The following LOXL2 variants were observed in gnomAD, a reference collection of about 807,000 sequenced individuals.
The protein encoded by LOXL2 is lysyl oxidase like 2, also known as lysyl oxidase homolog 2.
A neutral mutation model predicts 93.0 loss-of-function variants in LOXL2; 70 were observed. The ratio of observed to expected loss-of-function variants is 0.75; its 90% CI spans 0.62 to 0.92. The LOEUF is 0.92. LOXL2 is among the 40% of genes least tolerant of loss of function. LOXL2 has a pLI of 0.00. For missense variants in LOXL2, 973 were observed against 1,054.9 expected, an observed-to-expected ratio of 0.92 and a Z score of 1.08; for synonymous variants, 438 against 413.2, an observed-to-expected ratio of 1.06 and a Z score of -0.73.
Position 23,309,676 on chromosome 8 carries a change from G to A in LOXL2, c.1872C>T (p.Asp624=), listed in dbSNP as rs758506823. 1 of 1,469,780 alleles carries A rather than the reference G, an allele frequency of 6.8e-7. No individual in the cohort carries two copies. The highest frequency in any genetic ancestry group is 9.1e-7 in the Non-Finnish European group (1 of 1,102,476). The allele number at this position is 1,469,780 out of a possible 1,614,324, so 91.0% of individuals were successfully genotyped here. The part of the protein sequence containing the change: ...KNGRHAWIWH[D]CHRHYHSMEV... The stretch of plus-strand genomic sequence containing the variant: ...TGGCCAGCCAGGCCTACCTGTGACA[G>A]TCGTGCCAGATCCACGCGTGGCGGC... Residue 624 remains aspartate (D), a synonymous_variant, in exon 10 of 14, where the codon GAC becomes GAT. Coordinates refer to ENST00000389131, the MANE Select transcript of LOXL2 (RefSeq NM_002318.3).
intron 1 of LOXL2, among the ~76,000 whole-genome samples, chr8:23,401,296 A>C (rs1800149024): frequency 1.3e-5 from 2 of 152,238 alleles, no homozygotes; most frequent in African/African-American, 2.4e-5. Flanking sequence ...TACACAAATC[A>C]ACAGAACTCA....
In LOXL2 at chr8:23,354,949, ATTTTTTT is replaced by A. The variant is rs60819350; in HGVS notation, c.531+5134_531+5140del. 2.9e-3 allele frequency among the ~76,000 whole-genome samples: 227 copies of A among 77,676 alleles called. 5 individuals carry two copies. Among genetic ancestry groups the A allele is most frequent in the Admixed American group, 0.017 (103 of 6,168 alleles). 51.0% of individuals were successfully genotyped at this position (77,676 alleles called of 152,430 possible). A position where few individuals can be genotyped will look rare whatever the true frequency, so the allele number is the denominator to read the frequency against. ...GGAGTTGGAATATATATATATATAT[ATTTTTTT>A]TTTTTTTTTTTTTTTTTTTTTGAGA... On this transcript the variant is annotated intron_variant, in intron 3 of 13. Coordinates refer to ENST00000389131, the MANE Select transcript of LOXL2 (RefSeq NM_002318.3).
At chr8:23,321,960 G>T in intron 7 of LOXL2, 170 bp downstream of exon 7, 1 of 715,992 alleles carries the variant, frequency 1.4e-6, no homozygotes. Flanking sequence ...GCCGGGCCAG[G>T]GCCAGGCCCG....
intron 1 of LOXL2, among the ~76,000 whole-genome samples, chr8:23,389,556 C>T (rs1804810873): frequency 6.6e-6 from 1 of 152,134 alleles, no homozygotes; most frequent in African/African-American, 2.4e-5. Flanking sequence ...TAACTGATTC[C>T]TAGTCAATAG....
intron 7 of LOXL2, 105 bp from the exon 8 acceptor site, chr8:23,320,157 G>T: frequency 1.7e-6 from 2 of 1,197,328 alleles, no homozygotes; most frequent in Non-Finnish European, 2.4e-6. Context: ...AGGTGGTGCT[G>T]CCCGGGACAC....
chr8:23,339,346 C>A (rs1209675383), intron 4 of LOXL2, among the ~76,000 whole-genome samples: 1 of 152,208 alleles, frequency 6.6e-6, no homozygotes, highest in Non-Finnish European at 1.5e-5. Flanking sequence ...CTCCTTGGAT[C>A]GCTCTCAGCC....
At chr8:23,390,971 G>A (rs925453069) in intron 1 of LOXL2, among the ~76,000 whole-genome samples, 33 of 151,776 alleles carry the variant, frequency 2.2e-4, no homozygotes, top group African/African-American at 5.8e-4. Flanking sequence ...TGAAAGGCAC[G>A]TCTTACATGG....
At chr8:23,369,315 C>T (rs1028479298) in intron 1 of LOXL2, among the ~76,000 whole-genome samples, 5 of 152,104 alleles carry the variant, frequency 3.3e-5, no homozygotes, top group South Asian at 4.1e-4. Flanking sequence ...CAAGAGACCT[C>T]GTGTATCTTG....
At chr8:23,363,462 T>A (rs1177389433) in intron 2 of LOXL2, 1 of 152,214 alleles carries the variant, frequency 6.6e-6, no homozygotes, top group Admixed American at 6.5e-5. Flanking sequence ...CCTAATCGAT[T>A]GCTGTCTCAA....
At chr8:23,391,713 C>T (rs528579368) in intron 1 of LOXL2, among the ~76,000 whole-genome samples, 1 of 152,250 alleles carries the variant, frequency 6.6e-6, no homozygotes, top group South Asian at 2.1e-4. Context: ...TCACTGCAAG[C>T]AAGTCCAGGG....
At position 23,322,230 on chromosome 8, in the gene LOXL2, G is replaced by C. The variant is rs760029868; in HGVS notation, c.1202C>G (p.Ser401Cys). ...GGCATTGAACTTGCAGTCTATAATG[G>C]ACTTCTCATTGCCTGTGCACTGGAT... ...NEIQCTGNEK[S>C]IIDCKFNAES... Residue 401 changes from serine (S) to cysteine (C), a missense_variant, in exon 7 of 14, where the codon TCC becomes TGC. Transcript: ENST00000389131. 6.2e-7 allele frequency: 1 copy of C among 1,614,194 alleles called. No individual in the cohort carries two copies. Among genetic ancestry groups the C allele is most frequent in the Non-Finnish European group, 8.5e-7 (1 of 1,180,022 alleles).
chr8:23,351,686 T>A (rs1296349602), intron 3 of LOXL2, among the ~76,000 whole-genome samples: 1 of 152,220 alleles, frequency 6.6e-6, no homozygotes, highest in African/African-American at 2.4e-5. Context: ...CCATCTGTTA[T>A]CCACATACAC....
intron 3 of LOXL2, among the ~76,000 whole-genome samples, chr8:23,343,380 G>C (rs1803917411): frequency 6.6e-6 from 1 of 152,168 alleles, no homozygotes. Flanking sequence ...GCTGACTCCA[G>C]TTCCCTCCCT....
intron 11 of LOXL2, 39 bp downstream of exon 11, chr8:23,303,243 C>T: frequency 7.9e-7 from 1 of 1,268,506 alleles, no homozygotes; most frequent in South Asian, 1.2e-5. Context: ...GCATTCGAGT[C>T]CCTCTGAGGC....
intron 11 of LOXL2, 51 bp from the exon 12 acceptor site, chr8:23,302,214 G>A: frequency 8.1e-6 from 13 of 1,604,996 alleles, no homozygotes; most frequent in Non-Finnish European, 1.1e-5. Context: ...TGGCCCCACT[G>A]CCGCACCCTC....
chr8:23,356,211 G>C (rs1021072049), intron 3 of LOXL2, among the ~76,000 whole-genome samples: 1 of 152,160 alleles, frequency 6.6e-6, no homozygotes, highest in Non-Finnish European at 1.5e-5. Flanking sequence ...CACCATCAGA[G>C]ACCATCCACT....
chr8:23,364,250 T>C (rs1231774426), intron 2 of LOXL2: 1 of 152,226 alleles, frequency 6.6e-6, no homozygotes, highest in African/African-American at 2.4e-5. Flanking sequence ...CTTCTGGGTC[T>C]GCCTGCTGAA....
chr8:23,387,364 C>G (rs922193913), intron 1 of LOXL2, among the ~76,000 whole-genome samples: 2 of 152,080 alleles, frequency 1.3e-5, no homozygotes, highest in African/African-American at 4.8e-5. Flanking sequence ...ACTCGGGGAT[C>G]GAGGTATTCC....
chr8:23,365,240 C>G (rs1268785177), intron 2 of LOXL2: 1 of 152,330 alleles, frequency 6.6e-6, no homozygotes, highest in Non-Finnish European at 1.5e-5. Context: ...GCACGTTAAG[C>G]CCCTAAGCCC....
Sources: gnomAD v4.1 joint callset for allele counts (sites outside exome capture counted in the v4.1 genomes callset) on GRCh38, gnomAD v4.1.1 for gene constraint, MANE v1.5 for transcripts, NCBI Gene and HGNC (gene_info 2026-07-23, HGNC 2026-07-21) for gene names.